SLC2A13: variants seen among roughly 807,000 people sequenced by gnomAD.
SLC2A13 encodes the protein proton myo-inositol cotransporter.
A neutral mutation model predicts 64.4 loss-of-function variants in SLC2A13; 32 were observed. That is an observed-to-expected ratio of 0.50 (90% CI 0.37 to 0.67). SLC2A13 has a LOEUF of 0.67. SLC2A13 is among the 30% of genes least tolerant of loss of function. SLC2A13 has a pLI of 0.00. For missense variants in SLC2A13, 743 were observed against 829.2 expected (o/e 0.90, Z 1.28); for synonymous variants, 338 against 327.1 (o/e 1.03, Z -0.36).
intron 6 of SLC2A13, among the ~76,000 whole-genome samples, chr12:39,846,628 T>C (rs532122045): frequency 1.3e-5 from 2 of 152,266 alleles, no homozygotes; most frequent in South Asian, 2.1e-4. Flanking sequence ...ATTTTTTGTA[T>C]TTTTGGAGAA....
intron 4 of SLC2A13, among the ~76,000 whole-genome samples, chr12:39,926,037 G>A (rs948441221): frequency 2.6e-5 from 4 of 152,100 alleles, no homozygotes; most frequent in African/African-American, 9.7e-5. Context: ...ATTTGGGCAC[G>A]AATTTGGTAA....
chr12:40,058,083 AGATAGATT>A (rs1416501080), intron 1 of SLC2A13, among the ~76,000 whole-genome samples: 23 of 147,676 alleles, frequency 1.6e-4, no homozygotes, highest in African/African-American at 4.3e-4. Context: ...ATAGATAGAT[AGATAGATT>A]GATTTACTAT....
At chr12:39,826,558 T>C (rs1942681703) in intron 7 of SLC2A13, among the ~76,000 whole-genome samples, 1 of 151,448 alleles carries the variant, frequency 6.6e-6, no homozygotes, top group Non-Finnish European at 1.5e-5. Context: ...GTAACATCTA[T>C]ATTTAACAAA....
chr12:39,809,697 C>A (rs1018903757), intron 7 of SLC2A13, among the ~76,000 whole-genome samples: 1 of 152,100 alleles, frequency 6.6e-6, no homozygotes, highest in Non-Finnish European at 1.5e-5. Context: ...TGATGTTCCC[C>A]TTCCTGTGTC....
chr12:39,856,161 T>G (rs1943600953), intron 6 of SLC2A13, among the ~76,000 whole-genome samples: 1 of 152,140 alleles, frequency 6.6e-6, no homozygotes, highest in Admixed American at 6.5e-5. Context: ...GGATGAAAAT[T>G]ATACTAAAAA....
At chr12:39,951,980 C>CGT (rs889271050) in intron 3 of SLC2A13, among the ~76,000 whole-genome samples, 316 of 150,708 alleles carry the variant, frequency 2.1e-3, no homozygotes, top group African/African-American at 5.9e-3. Flanking sequence ...TGTGTGTGTA[C>CGT]GTGTGTGTGT....
At chr12:39,834,628 A>C (rs1324363565) in intron 6 of SLC2A13, among the ~76,000 whole-genome samples, 1 of 151,960 alleles carries the variant, frequency 6.6e-6, no homozygotes, top group Admixed American at 6.6e-5. Context: ...AAGTATCAAA[A>C]AGTGTTCAAT....
chr12:39,972,633 T>G (rs952036799), intron 3 of SLC2A13, among the ~76,000 whole-genome samples: 3 of 152,332 alleles, frequency 2.0e-5, no homozygotes, highest in East Asian at 3.9e-4. Flanking sequence ...ATCTATTAGA[T>G]CTTCTTCATC....
intron 3 of SLC2A13, among the ~76,000 whole-genome samples, chr12:39,981,856 G>T (rs1461913343): frequency 9.1e-6 from 1 of 110,026 alleles, no homozygotes; most frequent in Non-Finnish European, 1.8e-5. Flanking sequence ...TACCAAAGCC[G>T]GGCAGAGACA....
intron 1 of SLC2A13, among the ~76,000 whole-genome samples, chr12:40,098,017 A>G (rs760129560): frequency 4.0e-5 from 6 of 150,960 alleles, no homozygotes; most frequent in Non-Finnish European, 7.4e-5. Flanking sequence ...TGCCCTATAT[A>G]TGTGTATATG....
At chr12:39,979,290 T>C (rs1046045463) in intron 3 of SLC2A13, among the ~76,000 whole-genome samples, 12 of 145,136 alleles carry the variant, frequency 8.3e-5, no homozygotes, top group African/African-American at 2.3e-4. Flanking sequence ...AGGAACGCAG[T>C]TCCTCACCAG....
intron 4 of SLC2A13, among the ~76,000 whole-genome samples, chr12:39,942,867 C>T (rs1946060767): frequency 6.6e-6 from 1 of 152,032 alleles, no homozygotes; most frequent in Admixed American, 6.6e-5. Flanking sequence ...CCTTTTTGTG[C>T]TGGTTTTTCC....
Position 39,880,964 on chromosome 12 carries a change from A to G in SLC2A13, c.1035-9003T>C, listed in dbSNP as rs372872845. 2.0e-5 allele frequency among the ~76,000 whole-genome samples: 3 copies of G among 152,344 alleles called. No individual in the cohort carries two copies. The South Asian group carries it at 6.2e-4, about 32-fold the overall frequency. ...GGACATTGAACATATGGGACTTCAC[A>G]TAGGCTCACATTTCCCATTTGTTGA... On this transcript the variant is annotated intron_variant, in intron 4 of 9. Transcript: ENST00000280871.
intron 6 of SLC2A13, among the ~76,000 whole-genome samples, chr12:39,851,651 T>C (rs1403679668): frequency 6.6e-6 from 1 of 152,064 alleles, no homozygotes; most frequent in African/African-American, 2.4e-5. Context: ...GATACACACA[T>C]AGGAAAACAC....
chr12:40,087,946 C>A (rs1938639394), intron 1 of SLC2A13, among the ~76,000 whole-genome samples: 1 of 152,016 alleles, frequency 6.6e-6, no homozygotes, highest in Non-Finnish European at 1.5e-5. Flanking sequence ...GTATAAATAT[C>A]CTTTTACACT....
intron 1 of SLC2A13, among the ~76,000 whole-genome samples, chr12:40,055,141 T>C (rs536355269): frequency 5.0e-4 from 76 of 152,298 alleles, no homozygotes; most frequent in Non-Finnish European, 9.8e-4. Context: ...CAATTTAGAA[T>C]TCAGTTTCTA....
intron 3 of SLC2A13, among the ~76,000 whole-genome samples, chr12:39,982,882 C>T (rs914493836): frequency 1.6e-5 from 2 of 128,252 alleles, no homozygotes; most frequent in African/African-American, 2.8e-5. Context: ...CAATCCTAAG[C>T]CAAAAGAACA....
At position 39,937,910 on chromosome 12, in the gene SLC2A13, T is replaced by G. The variant is rs1945943891; in HGVS notation, c.1034+13347A>C. ...GAAAAGAACATATCTAATATTGAAG[T>G]GAAGGGCACTACTATAACATGTACA... On this transcript the variant is annotated intron_variant, in intron 4 of 9. Coordinates refer to ENST00000280871, the MANE Select transcript of SLC2A13 (RefSeq NM_052885.4). 2.0e-5 allele frequency among the ~76,000 whole-genome samples: 3 copies of G among 152,182 alleles called. No individual in the cohort carries two copies. In the South Asian group the frequency reaches 6.2e-4, roughly 32 times the overall value.
chr12:40,077,851 T>A (rs996041932), intron 1 of SLC2A13, among the ~76,000 whole-genome samples: 1 of 152,188 alleles, frequency 6.6e-6, no homozygotes, highest in Non-Finnish European at 1.5e-5. Flanking sequence ...TAATTCTCAT[T>A]GCACAGATAT....
Sources: allele counts gnomAD v4.1 joint callset (sites outside exome capture counted in the v4.1 genomes callset), GRCh38; gene constraint gnomAD v4.1.1; transcripts MANE v1.5; gene names NCBI Gene and HGNC (gene_info 2026-07-23, HGNC 2026-07-21).